The following KCNA4 variants were observed in gnomAD, a reference collection of about 807,000 sequenced individuals.
KCNA4 encodes the protein cardiac potassium channel.
KCNA4 carries 5 observed loss-of-function variants against 37.2 expected under a neutral mutation model. That is an observed-to-expected ratio of 0.13 (90% CI 0.07 to 0.28). KCNA4 has a LOEUF of 0.28. Ranked by LOEUF, KCNA4 falls within the 10% of genes least tolerant of loss-of-function variation. The pLI, the probability that KCNA4 is intolerant of heterozygous loss-of-function variation, is 1.00. For synonymous variants in KCNA4, 350 were observed against 311.8 expected, an observed-to-expected ratio of 1.12 and a Z score of -1.29; for missense variants, 634 against 817.4, an observed-to-expected ratio of 0.78 and a Z score of 2.74.
chr11:30,016,926 A>T lies in KCNA4; in HGVS notation c.-1137T>A. 1 of 398,916 alleles carries T rather than the reference A, an allele frequency of 2.5e-6. No homozygotes were observed. 24.7% of individuals were successfully genotyped at this position (398,916 alleles called of 1,614,324 possible). On this transcript the variant is annotated 5_prime_UTR_variant, in exon 1 of 2. Coordinates refer to ENST00000328224, the MANE Select transcript of KCNA4 (RefSeq NM_002233.4). ...GAAAAGAAACAAAATCCTAGACAGC[A>T]GCGATCACTTGTTAAGCCCGAATTC...
intron 1 of KCNA4, 150 bp from the exon 2 acceptor site, chr11:30,013,610 T>C (rs1284529871): frequency 6.6e-6 from 1 of 152,358 alleles, no homozygotes; most frequent in Non-Finnish European, 1.5e-5. Flanking sequence ...TTCAAGAGTA[T>C]GGGGCAGGCT....
chr11:30,013,513 A>T (rs1443740349), intron 1 of KCNA4, 53 bp from the exon 2 acceptor site: 1 of 159,238 alleles, frequency 6.3e-6, no homozygotes, highest in East Asian at 1.9e-4. Context: ...GAAACAAATC[A>T]TAAAGAGCAA....
rs1590492508 is a variant in KCNA4, at chr11:30,013,289, C to G, written c.-611G>C. 1 of 167,122 alleles carries G rather than the reference C, an allele frequency of 6.0e-6. No homozygotes were observed. Among genetic ancestry groups the G allele is most frequent in the Non-Finnish European group, 1.5e-5 (1 of 68,164 alleles). 10.4% of individuals were successfully genotyped at this position (167,122 alleles called of 1,614,324 possible). ...GCTCTCCTTTTAAGTTCATCAAAGG[C>G]TTCCTGTACCCAGGTACAATGCCAA... On this transcript the variant is annotated 5_prime_UTR_variant, in exon 2 of 2. Transcript: ENST00000328224.
In KCNA4 at chr11:30,016,048, A is replaced by G. The variant is rs181560872; in HGVS notation, c.-783+524T>C. Among the ~76,000 whole-genome samples the G allele has an allele frequency of 9.1e-4, 139 of 152,184 alleles. 1 individual carries two copies. The highest frequency in any genetic ancestry group is 3.2e-3 in the African/African-American group (132 of 41,508). On this transcript the variant is annotated intron_variant, in intron 1 of 1. Transcript: ENST00000328224. ...GAGAGAGAAACTGAGAGAGGGAATC[A>G]GAAAAGCCACCACCGTGAGAAATAT...
In KCNA4 at chr11:30,016,778, G is replaced by A. The variant is rs1281755777; in HGVS notation, c.-989C>T. ...TTGCCTGGCCCGAGGGGTGCACAGA[G>A]TCCTCGCGGCTGGAGCCTGGGGGTG... On this transcript the variant is annotated 5_prime_UTR_variant, in exon 1 of 2. Transcript: ENST00000328224. 2.6e-6 allele frequency: 1 copy of A among 385,200 alleles called. No homozygotes were observed. Among genetic ancestry groups the A allele is most frequent in the East Asian group, 3.7e-5 (1 of 27,224 alleles). The allele number at this position is 385,200 out of a possible 1,614,324, so 23.9% of individuals were successfully genotyped here.
Position 30,011,691 on chromosome 11 carries a change from G to A in KCNA4, c.988C>T (p.Pro330Ser), listed in dbSNP as rs1405037789. ...AGATCCCTGTCGTCCCTAAACTCAG[G>A]CAAGGTTTCCAGGCAAAAGATGACA... ...SIVIFCLETL[P>S]EFRDDRDLVM... The change falls in exon 2 of 2, where the codon CCT (proline) becomes TCT (serine). Residue 330 changes from proline to serine, a missense_variant. This residue lies in a region of KCNA4 where 252 missense variants were observed against 344.2 expected (regional missense o/e 0.73). Coordinates refer to ENST00000328224, the MANE Select transcript of KCNA4 (RefSeq NM_002233.4). This position sits in a 1 kb window ranked among gnomAD's most constrained non-coding sequence, Gnocchi z 5.6. The A allele has an allele frequency of 6.2e-7, 1 of 1,614,096 alleles. No homozygotes were observed. Among genetic ancestry groups the A allele is most frequent in the South Asian group, 1.1e-5 (1 of 91,076 alleles).
chr11:30,016,998 A>G lies in KCNA4; in HGVS notation c.-1209T>C. On this transcript the variant is annotated 5_prime_UTR_variant, in exon 1 of 2. Coordinates refer to ENST00000328224, the MANE Select transcript of KCNA4 (RefSeq NM_002233.4). ...TCTCGCTCTCGCTGGCTGCGGGAGCAGCACACGCCTCCCCTGGCCGCGAAC... is the reference window on the plus strand; with the variant it reads ...TCTCGCTCTCGCTGGCTGCGGGAGCGGCACACGCCTCCCCTGGCCGCGAAC... 1 of 398,454 alleles carries G rather than the reference A, an allele frequency of 2.5e-6. No individual in the cohort carries two copies. 24.7% of individuals were successfully genotyped at this position (398,454 alleles called of 1,614,324 possible). A position where few individuals can be genotyped will look rare whatever the true frequency, so the allele number is the denominator to read the frequency against.
chr11:30,012,548 ACAGCAGCTG>A lies in KCNA4; in HGVS notation c.122_130del (p.Ala41_Ala43del). 6.2e-7 allele frequency: 1 copy of A among 1,607,730 alleles called. No individual in the cohort carries two copies. Among genetic ancestry groups the A allele is most frequent in the Non-Finnish European group, 8.5e-7 (1 of 1,179,858 alleles). On this transcript the variant is annotated inframe_deletion, in exon 2 of 2. Transcript: ENST00000328224. ...TTCGACAGCAGCTGTGGCCGCTGCA[ACAGCAGCTG>A]CTGCAGCTGCCCTGGAGTGAGCAAG...
At position 30,012,862 on chromosome 11, in the gene KCNA4, C is replaced by T; in HGVS notation, c.-184G>A. On this transcript the variant is annotated 5_prime_UTR_variant, in exon 2 of 2. Coordinates refer to ENST00000328224, the MANE Select transcript of KCNA4 (RefSeq NM_002233.4). ...TTTAAATCAGCACGCCCCATGCTCTCTCTTCTCAGGGATTCAACATTGCTC... is the reference window on the plus strand; with the variant it reads ...TTTAAATCAGCACGCCCCATGCTCTTTCTTCTCAGGGATTCAACATTGCTC... The T allele has an allele frequency of 1.3e-6, 1 of 794,766 alleles. No individual in the cohort carries two copies. The highest frequency in any genetic ancestry group is 1.9e-6 in the Non-Finnish European group (1 of 536,298). The allele number at this position is 794,766 out of a possible 1,614,324, so 49.2% of individuals were successfully genotyped here.
intron 1 of KCNA4, chr11:30,016,231 GAT>G (rs1057388929): frequency 6.6e-6 from 1 of 151,942 alleles, no homozygotes. Flanking sequence ...GAGGCGAAAC[GAT>G]GCTAAATCTT....
intron 1 of KCNA4, among the ~76,000 whole-genome samples, chr11:30,014,947 T>C (rs1420612037): frequency 6.6e-6 from 1 of 152,152 alleles, no homozygotes; most frequent in Non-Finnish European, 1.5e-5. Flanking sequence ...ATTCAGCTCT[T>C]GACCACCTGC....
At chr11:30,013,983 C>T (rs1192433274) in intron 1 of KCNA4, among the ~76,000 whole-genome samples, 1 of 152,186 alleles carries the variant, frequency 6.6e-6, no homozygotes, top group Non-Finnish European at 1.5e-5. Context: ...GACAGCACCA[C>T]TTGAATGCAC....
chr11:30,011,824 G>C lies in KCNA4; in HGVS notation c.855C>G (p.Pro285=), dbSNP rs759748983. Residue 285 remains proline (P), a synonymous_variant, in exon 2 of 2, where the codon CCC becomes CCG. Coordinates refer to ENST00000328224, the MANE Select transcript of KCNA4 (RefSeq NM_002233.4). The surrounding 1 kb of genome is among the most constrained non-coding windows in gnomAD (Gnocchi z 5.6). ...FVREEEDRAL[P]ENEFKKQIWL... ...AAATCTGCTTTTTAAATTCATTCTC[G>C]GGGAGGGCCCTGTCTTCCTCTTCTC... The C allele has an allele frequency of 1.2e-6, 2 of 1,613,916 alleles. No individual in the cohort carries two copies. The highest frequency in any genetic ancestry group is 1.3e-5 in the African/African-American group (1 of 74,940).
Position 30,012,538 on chromosome 11 carries a change from G to T in KCNA4, c.141C>A (p.Ala47=). The change falls in exon 2 of 2, where the codon GCC becomes GCA. Residue 47 remains alanine (A), a synonymous_variant. Transcript: ENST00000328224. ...CCCCGCTACCTTCGACAGCAGCTGT[G>T]GCCGCTGCAACAGCAGCTGCTGCAG... ...RAAAAAAVAA[A]TAAVEGSGGS... is the part of the protein sequence containing the mutation. 2 of 1,608,186 alleles carry T rather than the reference G, an allele frequency of 1.2e-6. No homozygotes were observed. Among genetic ancestry groups the T allele is most frequent in the Non-Finnish European group, 1.7e-6 (2 of 1,179,930 alleles).
chr11:30,015,797 A>C (rs1000564900), intron 1 of KCNA4, among the ~76,000 whole-genome samples: 1 of 152,116 alleles, frequency 6.6e-6, no homozygotes, highest in East Asian at 1.9e-4. Context: ...TTTATGAGAG[A>C]GATCTTTGCA....
At chr11:30,014,233 G>A (rs370123654) in intron 1 of KCNA4, among the ~76,000 whole-genome samples, 14 of 152,128 alleles carry the variant, frequency 9.2e-5, no homozygotes, top group Non-Finnish European at 1.9e-4. Context: ...AAGATGGGAC[G>A]TGAGGACATA....
Position 30,016,814 on chromosome 11 carries a change from C to CT in KCNA4, c.-1026dup, listed in dbSNP as rs768667352. 2.5e-3 allele frequency: 990 copies of CT among 392,966 alleles called. No individual in the cohort carries two copies. Among genetic ancestry groups the CT allele is most frequent in the Non-Finnish European group, 3.5e-3 (769 of 222,724 alleles). The allele number at this position is 392,966 out of a possible 1,614,324, so 24.3% of individuals were successfully genotyped here. A position where few individuals can be genotyped will look rare whatever the true frequency, so the allele number is the denominator to read the frequency against. On this transcript the variant is annotated 5_prime_UTR_variant, in exon 1 of 2. Transcript: ENST00000328224. Reference sequence around the variant, plus strand: ...TGGAGCCTGGGGGTGGGGGTTGGGGCTGCCCCAGAGAAGACCCCAAGACTC... The same window carrying CT: ...TGGAGCCTGGGGGTGGGGGTTGGGGCTTGCCCCAGAGAAGACCCCAAGACTC...
chr11:30,013,321 G>C lies in KCNA4; in HGVS notation c.-643C>G, dbSNP rs1192159278. On this transcript the variant is annotated 5_prime_UTR_variant, in exon 2 of 2. The change creates a new upstream start codon in the 5' untranslated region. Coordinates refer to ENST00000328224, the MANE Select transcript of KCNA4 (RefSeq NM_002233.4). The stretch of plus-strand genomic sequence containing the variant: ...TACCCAGGTACAATGCCAAACCACA[G>C]ATAGAGGCAAAGACCCTGGGAGGTA... 1 of 167,060 alleles carries C rather than the reference G, an allele frequency of 6.0e-6. No individual in the cohort carries two copies. Among genetic ancestry groups the C allele is most frequent in the East Asian group, 1.9e-4 (1 of 5,186 alleles). The allele number at this position is 167,060 out of a possible 1,614,324, so 10.3% of individuals were successfully genotyped here.
At chr11:30,014,642 C>T (rs1203871080) in intron 1 of KCNA4, among the ~76,000 whole-genome samples, 1 of 151,986 alleles carries the variant, frequency 6.6e-6, no homozygotes, top group South Asian at 2.1e-4. Context: ...CTTGCAGCTC[C>T]GATCTGCTCC....
Sources: allele counts gnomAD v4.1 joint callset (sites outside exome capture counted in the v4.1 genomes callset), GRCh38; gene constraint gnomAD v4.1.1; regional missense constraint gnomAD v4.1.1; non-coding constraint Gnocchi (gnomAD v3.1); transcripts MANE v1.5; gene names NCBI Gene and HGNC (gene_info 2026-07-23, HGNC 2026-07-21).